The following COL5A1 variants were observed in gnomAD, a reference collection of about 807,000 sequenced individuals.
COL5A1 encodes the protein collagen type V alpha 1 chain.
COL5A1 carries 16 observed loss-of-function variants against 263.7 expected under a neutral mutation model. The observed-to-expected ratio is 0.06, with a 90% CI of 0.04 to 0.09. COL5A1 has a LOEUF of 0.09. COL5A1 is among the 10% of genes least tolerant of loss of function. The probability of loss-of-function intolerance (pLI) is 1.00; values close to 1 mark genes in which losing one functional copy is unlikely to be tolerated. For synonymous variants in COL5A1, 1,012 were observed against 1,004.5 expected, an observed-to-expected ratio of 1.01 and a Z score of -0.14; for missense variants, 2,036 against 2,540.5, an observed-to-expected ratio of 0.80 and a Z score of 4.27.
rs1224072765 is a variant in COL5A1, at chr9:134,754,195, A to G, written c.1774-78A>G. 1 of 1,497,784 alleles carries G rather than the reference A, an allele frequency of 6.7e-7. No individual in the cohort carries two copies. Among genetic ancestry groups the G allele is most frequent in the Non-Finnish European group, 9.2e-7 (1 of 1,083,908 alleles). 92.8% of individuals were successfully genotyped at this position (1,497,784 alleles called of 1,614,324 possible). ...CAGCCAGGCATGGGCAGGGTCGATGAGCACAGGGACAAGGCTTTGCTCTTT... is the reference window on the plus strand; with the variant it reads ...CAGCCAGGCATGGGCAGGGTCGATGGGCACAGGGACAAGGCTTTGCTCTTT... On this transcript the variant is annotated intron_variant, in intron 15 of 65. Transcript: ENST00000371817. The surrounding 1 kb of genome is among the most constrained non-coding windows in gnomAD (Gnocchi z 4.3).
intron 9 of COL5A1, among the ~76,000 whole-genome samples, chr9:134,737,745 A>G (rs1265344350): frequency 6.6e-6 from 1 of 152,082 alleles, no homozygotes; most frequent in Non-Finnish European, 1.5e-5. Flanking sequence ...ACAGCTGTCC[A>G]CATTGCCTTT....
At chr9:134,718,008 G>T (rs1443125306) in intron 4 of COL5A1, among the ~76,000 whole-genome samples, 2 of 146,316 alleles carry the variant, frequency 1.4e-5, no homozygotes, top group Non-Finnish European at 3.0e-5. Flanking sequence ...AGCCTGGGCT[G>T]GGGGGCCGCG....
intron 2 of COL5A1, among the ~76,000 whole-genome samples, chr9:134,692,011 TCTG>T (rs992239639): frequency 1.3e-5 from 2 of 152,248 alleles, no homozygotes; most frequent in African/African-American, 4.8e-5. Flanking sequence ...AGGGGCTGTT[TCTG>T]CTTCCACAGA....
chr9:134,708,389 G>A, intron 4 of COL5A1: 2 of 372,318 alleles, frequency 5.4e-6, no homozygotes, highest in South Asian at 4.1e-5. Context: ...CCTGGCCAGT[G>A]CGCCTGCCAT....
chr9:134,753,955 C>G (rs377249078), intron 15 of COL5A1, 52 bp downstream of exon 15: 1 of 1,488,188 alleles, frequency 6.7e-7, no homozygotes, highest in African/African-American at 1.4e-5. Flanking sequence ...CGTTCTCCGG[C>G]GGCAGCGACG....
At chr9:134,826,314 A>G (rs187119430) in intron 63 of COL5A1, among the ~76,000 whole-genome samples, 1 of 152,304 alleles carries the variant, frequency 6.6e-6, no homozygotes, top group African/African-American at 2.4e-5. Flanking sequence ...CTTTGCCTCA[A>G]TTCTTATTAT....
Position 134,647,102 on chromosome 9 carries a change from G to A in COL5A1, c.109+4806G>A, listed in dbSNP as rs1398835700. ...GGTGGTTTTGCAGGAGGAAAGAGCA[G>A]TGTTCCCACAGCCCTCTTTAGCTCC... is the stretch of plus-strand genomic sequence containing the variant. On this transcript the variant is annotated intron_variant, in intron 1 of 65. Transcript: ENST00000371817. This position sits in a 1 kb window ranked among gnomAD's most constrained non-coding sequence, Gnocchi z 5.0. Among the ~76,000 whole-genome samples, 1 of 152,194 alleles carries A rather than the reference G, an allele frequency of 6.6e-6. No homozygotes were observed. The highest frequency in any genetic ancestry group is 2.4e-5 in the African/African-American group (1 of 41,456).
intron 1 of COL5A1, among the ~76,000 whole-genome samples, chr9:134,643,453 A>T (rs994640312): frequency 6.6e-6 from 1 of 152,164 alleles, no homozygotes; most frequent in African/African-American, 2.4e-5. Context: ...AGTGGGAAGA[A>T]TCATTGTCCG....
intron 37 of COL5A1, 102 bp downstream of exon 37, chr9:134,798,563 C>A: frequency 2.6e-6 from 2 of 780,806 alleles, no homozygotes; most frequent in Non-Finnish European, 3.9e-6. Context: ...ACCCTCCTGG[C>A]CTGGGAGAGA....
rs759104963 is a variant in COL5A1 at position 134,755,971 on chromosome 9, C to A, written c.1828-794C>A. On this transcript the variant is annotated intron_variant, in intron 16 of 65. Transcript: ENST00000371817. The surrounding 1 kb of genome is among the most constrained non-coding windows in gnomAD (Gnocchi z 4.1). Reference sequence around the variant, plus strand: ...GTGCAGGGTGGCAGCCCTCTATACTCGCTGGCTGGGGTGCCTCGTTGTGCA... The same window carrying A: ...GTGCAGGGTGGCAGCCCTCTATACTAGCTGGCTGGGGTGCCTCGTTGTGCA... Among the ~76,000 whole-genome samples the A allele has an allele frequency of 6.6e-6, 1 of 152,028 alleles. No individual in the cohort carries two copies. The highest frequency in any genetic ancestry group is 1.5e-5 in the Non-Finnish European group (1 of 68,010).
At chr9:134,764,006 G>A (rs1836562902) in intron 20 of COL5A1, among the ~76,000 whole-genome samples, 1 of 149,120 alleles carries the variant, frequency 6.7e-6, no homozygotes, top group African/African-American at 2.5e-5. Flanking sequence ...GGGGCAGCGT[G>A]GTGGGGTCTG....
Position 134,652,548 on chromosome 9 carries a change from G to T in COL5A1, c.109+10252G>T, listed in dbSNP as rs72772528. Among the ~76,000 whole-genome samples, 433 of 152,298 alleles carry T rather than the reference G, an allele frequency of 2.8e-3. No individual in the cohort carries two copies. The highest frequency in any genetic ancestry group is 4.4e-3 in the Non-Finnish European group (299 of 68,006). On this transcript the variant is annotated intron_variant, in intron 1 of 65. Coordinates refer to ENST00000371817, the MANE Select transcript of COL5A1 (RefSeq NM_000093.5). This position sits in a 1 kb window ranked among gnomAD's most constrained non-coding sequence, Gnocchi z 4.4. ...AGATGTTTTCTGATTGTCGCACCTG[G>T]GGTGGGGGCAGGGCTATCGGCCTGT...
chr9:134,689,721 C>A (rs1274797465), intron 1 of COL5A1, among the ~76,000 whole-genome samples: 1 of 152,224 alleles, frequency 6.6e-6, no homozygotes, highest in Non-Finnish European at 1.5e-5. Flanking sequence ...CCGTCTGGGA[C>A]AGGGCGGTGT....
At position 134,796,730 on chromosome 9, in the gene COL5A1, C is replaced by T. The variant is rs535322258; in HGVS notation, c.2845-118C>T. On this transcript the variant is annotated intron_variant, in intron 35 of 65. Coordinates refer to ENST00000371817, the MANE Select transcript of COL5A1 (RefSeq NM_000093.5). ...GGGGCTGGAATAATGGAGGAAAGGC[C>T]ATGGGGGTGGGAAGAAATGACACCT... 675 of 976,644 alleles carry T rather than the reference C, an allele frequency of 6.9e-4. 3 individuals carry two copies. The highest frequency in any genetic ancestry group is 1.0e-3 in the Non-Finnish European group (619 of 604,328). 60.5% of individuals were successfully genotyped at this position (976,644 alleles called of 1,614,324 possible). A position where few individuals can be genotyped will look rare whatever the true frequency, so the allele number is the denominator to read the frequency against.
chr9:134,661,862 T>C (rs909139560), intron 1 of COL5A1, among the ~76,000 whole-genome samples: 1 of 152,174 alleles, frequency 6.6e-6, no homozygotes, highest in African/African-American at 2.4e-5. Context: ...TTCTTCCCTT[T>C]CCAGCCCTTC....
chr9:134,716,190 A>G lies in COL5A1; in HGVS notation c.655-11076A>G, dbSNP rs1834255865. Among the ~76,000 whole-genome samples the G allele has an allele frequency of 6.6e-6, 1 of 152,108 alleles. No homozygotes were observed. The highest frequency in any genetic ancestry group is 1.5e-5 in the Non-Finnish European group (1 of 68,026). ...GCAATCCCATTTAGTCCTCTGCTCT[A>G]TGAGGTAGATCTTATTATCCTCTTT... On this transcript the variant is annotated intron_variant, in intron 4 of 65. Transcript: ENST00000371817. The surrounding 1 kb of genome is among the most constrained non-coding windows in gnomAD (Gnocchi z 4.5).
At chr9:134,704,461 C>A (rs1201019727) in intron 4 of COL5A1, among the ~76,000 whole-genome samples, 4 of 152,142 alleles carry the variant, frequency 2.6e-5, no homozygotes, top group African/African-American at 4.8e-5. Flanking sequence ...TGTTTTCCTA[C>A]CCTGGCTTGT....
intron 24 of COL5A1, 71 bp downstream of exon 24, chr9:134,767,425 G>C: frequency 7.1e-7 from 1 of 1,407,168 alleles, no homozygotes; most frequent in African/African-American, 1.4e-5. Flanking sequence ...CACCCTGGGA[G>C]GACCCCTGGT....
In COL5A1 at chr9:134,681,060, T is replaced by C. The variant is rs548309778; in HGVS notation, c.110-9852T>C. Among the ~76,000 whole-genome samples the C allele has an allele frequency of 3.0e-4, 46 of 152,176 alleles. No individual in the cohort carries two copies. Among genetic ancestry groups the C allele is most frequent in the African/African-American group, 1.1e-3 (46 of 41,542 alleles). On this transcript the variant is annotated intron_variant, in intron 1 of 65. Transcript: ENST00000371817. The surrounding 1 kb of genome is among the most constrained non-coding windows in gnomAD (Gnocchi z 4.3). The stretch of plus-strand genomic sequence containing the variant: ...CCCCCTGCCCCTTTGCTTTGCTCCC[T>C]GGTTTAGTCATTGAGGAAGAATTTC...
Sources: gnomAD v4.1 joint callset for allele counts (sites outside exome capture counted in the v4.1 genomes callset) on GRCh38, gnomAD v4.1.1 for gene constraint, Gnocchi (gnomAD v3.1) non-coding constraint, MANE v1.5 for transcripts, NCBI Gene and HGNC (gene_info 2026-07-23, HGNC 2026-07-21) for gene names.